The following ODR4 variants were observed in gnomAD, a reference collection of about 807,000 sequenced individuals.
ODR4 encodes protein odr-4 homolog.
ODR4 carries 47 observed loss-of-function variants against 60.2 expected under a neutral mutation model. The ratio of observed to expected loss-of-function variants is 0.78; its 90% CI spans 0.62 to 1.00. The LOEUF (loss-of-function observed/expected upper bound fraction) is 1.00, where lower values mean the gene tolerates loss of function less well. Ranked by LOEUF, ODR4 falls within the 50% of genes least tolerant of loss-of-function variation. The pLI is 0.00. For synonymous variants in ODR4, 178 were observed against 175.5 expected (o/e 1.01, Z -0.11); for missense variants, 488 against 530.8 (o/e 0.92, Z 0.79).
At chr1:186,391,136 C>T (rs1336737522) in intron 7 of ODR4, among the ~76,000 whole-genome samples, 1 of 151,906 alleles carries the variant, frequency 6.6e-6, no homozygotes, top group Non-Finnish European at 1.5e-5. Flanking sequence ...TTATTATGTG[C>T]TTTGTCATTA....
intron 5 of ODR4, among the ~76,000 whole-genome samples, chr1:186,388,974 G>A (rs1660355566): frequency 3.3e-5 from 5 of 152,142 alleles, no homozygotes. Context: ...GGACATCGGA[G>A]AAATTCTTAT....
chr1:186,402,231 T>TTTCTTTCTTTCTTTCTTTCTTTCTTTCC (rs1459855696), intron 11 of ODR4, among the ~76,000 whole-genome samples: 5 of 149,582 alleles, frequency 3.3e-5, no homozygotes, highest in African/African-American at 1.2e-4. Context: ...TCTTTCTTTC[T>TTTCTTTCTTTCTTTCTTTCTTTCTTTCC]TTCCTTTCTT....
At chr1:186,429,898 C>T in the ODR4 span, among the ~76,000 whole-genome samples, 1 of 151,984 alleles carries the variant, frequency 6.6e-6, no homozygotes, top group East Asian at 1.9e-4. Flanking sequence ...TCAATGAGGT[C>T]TCATAAAATT....
intron 3 of ODR4, among the ~76,000 whole-genome samples, chr1:186,384,437 A>G (rs1254103823): frequency 1.3e-5 from 2 of 152,172 alleles, no homozygotes; most frequent in African/African-American, 4.8e-5. Context: ...TCACATTTCA[A>G]CATGGTGTTT....
downstream of ODR4, among the ~76,000 whole-genome samples, chr1:186,424,173 A>G (rs1278990713): frequency 6.6e-6 from 1 of 152,204 alleles, no homozygotes; most frequent in Non-Finnish European, 1.5e-5. Context: ...TTGACAACAA[A>G]AAACAAATTA....
At chr1:186,432,500 C>G in the ODR4 span, among the ~76,000 whole-genome samples, 901 of 152,064 alleles carry the variant, frequency 5.9e-3, 11 homozygotes, top group African/African-American at 0.021. Flanking sequence ...CATCTAGGCC[C>G]TGTGTTTTTT....
intron 12 of ODR4, 128 bp downstream of exon 12, chr1:186,406,396 T>G (rs1444298131): frequency 3.5e-6 from 2 of 571,854 alleles, no homozygotes; most frequent in South Asian, 3.7e-5. Context: ...CTTCGAAATA[T>G]TAACTGAGAC....
At chr1:186,398,927 G>A in intron 10 of ODR4, 27 bp from the exon 11 acceptor site, 1 of 1,483,008 alleles carries the variant, frequency 6.7e-7, no homozygotes, top group Non-Finnish European at 9.2e-7. Flanking sequence ...ATTTCTTACT[G>A]TGTTTTTTGT....
chr1:186,401,219 C>T (rs771171709), intron 11 of ODR4: 3 of 1,513,804 alleles, frequency 2.0e-6, no homozygotes, highest in South Asian at 2.3e-5. Flanking sequence ...TTAATGGCCC[C>T]TAACAGCAGT....
downstream of ODR4, among the ~76,000 whole-genome samples, chr1:186,425,217 C>G (rs57478713): frequency 2.0e-5 from 3 of 152,080 alleles, no homozygotes; most frequent in Non-Finnish European, 4.4e-5. Context: ...TATGAGGCAC[C>G]TTTACTACAG....
Position 186,390,870 on chromosome 1 carries a change from T to C in ODR4, c.615+19T>C. The C allele has an allele frequency of 6.3e-7, 1 of 1,599,832 alleles. No homozygotes were observed. Among genetic ancestry groups the C allele is most frequent in the Non-Finnish European group, 8.5e-7 (1 of 1,171,026 alleles). On this transcript the variant is annotated intron_variant, in intron 7 of 13. Transcript: ENST00000287859. Reference sequence around the variant, plus strand: ...TACAAAGGTACCAGGGTAAAATGAATTTTCTTCAGTGATTGCTGAGTGAAC... The same window carrying C: ...TACAAAGGTACCAGGGTAAAATGAACTTTCTTCAGTGATTGCTGAGTGAAC...
At chr1:186,383,343 G>C (rs1412617640) in intron 3 of ODR4, among the ~76,000 whole-genome samples, 187 bp downstream of exon 3, 3 of 152,114 alleles carry the variant, frequency 2.0e-5, no homozygotes, top group Non-Finnish European at 4.4e-5. Flanking sequence ...GATTTGGGAT[G>C]GGTGAGTGGG....
intron 2 of ODR4, among the ~76,000 whole-genome samples, chr1:186,381,487 C>T (rs1660025323): frequency 6.6e-6 from 1 of 152,088 alleles, no homozygotes; most frequent in Non-Finnish European, 1.5e-5. Flanking sequence ...GCCACCTCGC[C>T]CGGCTAATTT....
the ODR4 span, among the ~76,000 whole-genome samples, chr1:186,433,006 G>A: frequency 7.2e-5 from 11 of 151,854 alleles, no homozygotes; most frequent in African/African-American, 2.4e-4. Flanking sequence ...GGCTGGTCTC[G>A]AACTCCTGAC....
intron 4 of ODR4, 123 bp from the exon 5 acceptor site, chr1:186,388,319 T>G: frequency 1.7e-6 from 1 of 574,212 alleles, no homozygotes; most frequent in Non-Finnish European, 3.0e-6. Context: ...CCTTCTCCAA[T>G]AAATAAAGAA....
chr1:186,401,831 C>CTG (rs1553236911), intron 11 of ODR4, among the ~76,000 whole-genome samples: 4 of 151,534 alleles, frequency 2.6e-5, no homozygotes, highest in Non-Finnish European at 5.9e-5. Flanking sequence ...TTTTTTGTGT[C>CTG]TTTGGTTTTG....
chr1:186,399,856 C>T (rs1338361165), intron 11 of ODR4, among the ~76,000 whole-genome samples: 1 of 152,040 alleles, frequency 6.6e-6, no homozygotes. Context: ...ATAACGATTG[C>T]AGCTTTTGGG....
At position 186,401,474 on chromosome 1, in the gene ODR4, GTCTTTCTTTCTC is replaced by G. The variant is rs776628202; in HGVS notation, c.1000+2442_1000+2453del. On this transcript the variant is annotated intron_variant, in intron 11 of 13. Transcript: ENST00000287859. The stretch of plus-strand genomic sequence containing the variant: ...ATAGGCATCGTCCGTCTTTCTGTCT[GTCTTTCTTTCTC>G]TCTTTCTTTCTTTCTCTCTCTCTCT... 4.5e-3 allele frequency: 980 copies of G among 216,628 alleles called. 26 individuals carry two copies. In the Admixed American group the frequency reaches 0.049, roughly 11 times the overall value. The allele number at this position is 216,628 out of a possible 1,614,324, so 13.4% of individuals were successfully genotyped here. A position where few individuals can be genotyped will look rare whatever the true frequency, so the allele number is the denominator to read the frequency against.
At chr1:186,406,711 T>C (rs570760155) in intron 12 of ODR4, among the ~76,000 whole-genome samples, 3 of 152,090 alleles carry the variant, frequency 2.0e-5, no homozygotes, top group African/African-American at 4.8e-5. Context: ...ATACCTTTCA[T>C]GTAATTGGGA....
Sources: gnomAD v4.1 joint callset for allele counts (sites outside exome capture counted in the v4.1 genomes callset) on GRCh38, gnomAD v4.1.1 for gene constraint, MANE v1.5 for transcripts, NCBI Gene and HGNC (gene_info 2026-07-23, HGNC 2026-07-21) for gene names.